Variants in CNTNAP2 observed in about 807,000 individuals in gnomAD.
CNTNAP2 encodes the protein contactin associated protein 2.
In CNTNAP2, 98 loss-of-function variants were observed where a neutral mutation model predicts 155.2. The ratio of observed to expected loss-of-function variants is 0.63; its 90% CI spans 0.54 to 0.75. The LOEUF (loss-of-function observed/expected upper bound fraction) is 0.75. Ranked by LOEUF, CNTNAP2 falls within the 30% of genes least tolerant of loss-of-function variation. The probability of loss-of-function intolerance (pLI) is 0.00; values close to 1 mark genes in which losing one functional copy is unlikely to be tolerated. For missense variants in CNTNAP2, 1,727 were observed against 1,688.1 expected (o/e 1.02, Z -0.40); for synonymous variants, 651 against 631.2 (o/e 1.03, Z -0.47).
chr7:146,683,593 A>G (rs558388829), intron 1 of CNTNAP2, among the ~76,000 whole-genome samples: 199 of 152,308 alleles, frequency 1.3e-3, no homozygotes, highest in African/African-American at 4.6e-3. Context: ...ACAGGCTGAA[A>G]CAATAAACAT....
At chr7:147,329,666 A>G (rs988910024) in intron 9 of CNTNAP2, among the ~76,000 whole-genome samples, 2 of 152,234 alleles carry the variant, frequency 1.3e-5, no homozygotes, top group Non-Finnish European at 2.9e-5. Flanking sequence ...AGGCCTTCTG[A>G]CATATCTTCT....
intron 15 of CNTNAP2, among the ~76,000 whole-genome samples, chr7:147,978,632 G>A (rs1342671711): frequency 6.6e-6 from 1 of 152,154 alleles, no homozygotes; most frequent in Non-Finnish European, 1.5e-5. Context: ...AGGATTTTAT[G>A]TTGTTTGATA....
At chr7:148,156,989 G>T (rs1805411039) in intron 17 of CNTNAP2, among the ~76,000 whole-genome samples, 1 of 152,152 alleles carries the variant, frequency 6.6e-6, no homozygotes, top group African/African-American at 2.4e-5. Context: ...CTGACTTCTT[G>T]GAACTAAATC....
chr7:148,415,290 G>T, intron 23 of CNTNAP2, 127 bp from the exon 24 acceptor site: 2 of 956,274 alleles, frequency 2.1e-6, no homozygotes, highest in South Asian at 1.4e-5. Flanking sequence ...TGTTATCTTT[G>T]TTGTTTTGGA....
chr7:146,649,185 A>C (rs1174214630), intron 1 of CNTNAP2, among the ~76,000 whole-genome samples: 2 of 152,038 alleles, frequency 1.3e-5, no homozygotes, highest in Non-Finnish European at 2.9e-5. Context: ...CAACTTAATA[A>C]ATATATATTG....
intron 10 of CNTNAP2, among the ~76,000 whole-genome samples, chr7:147,431,306 G>T (rs1797462387): frequency 6.6e-6 from 1 of 152,024 alleles, no homozygotes; most frequent in Non-Finnish European, 1.5e-5. Flanking sequence ...TTTCCCTCCT[G>T]TGACAATAGA....
intron 8 of CNTNAP2, among the ~76,000 whole-genome samples, chr7:147,233,585 A>C (rs1252577697): frequency 2.0e-5 from 1 of 49,164 alleles, no homozygotes; most frequent in South Asian, 4.6e-4. Context: ...CAAAAAAGCA[A>C]AAAAAAAAAA....
chr7:146,601,841 T>A (rs1305535666), intron 1 of CNTNAP2, among the ~76,000 whole-genome samples: 2 of 152,052 alleles, frequency 1.3e-5, no homozygotes, highest in African/African-American at 4.8e-5. Flanking sequence ...AAGAATTAAG[T>A]TGACTCCATA....
At chr7:146,496,494 A>G (rs928728382) in intron 1 of CNTNAP2, among the ~76,000 whole-genome samples, 3 of 152,242 alleles carry the variant, frequency 2.0e-5, no homozygotes, top group Non-Finnish European at 2.9e-5. Context: ...AATAAAAATT[A>G]CAATGAACTA....
At chr7:147,992,972 G>T (rs372296331) in intron 15 of CNTNAP2, among the ~76,000 whole-genome samples, 2 of 152,244 alleles carry the variant, frequency 1.3e-5, no homozygotes, top group East Asian at 3.9e-4. Context: ...TACTGAATAG[G>T]ATACAAAGTA....
intron 4 of CNTNAP2, among the ~76,000 whole-genome samples, chr7:147,044,464 C>T (rs112554870): frequency 6.6e-6 from 1 of 152,208 alleles, no homozygotes; most frequent in African/African-American, 2.4e-5. Context: ...CGAAGAACTT[C>T]CTTCGGGTTC....
chr7:146,664,285 C>A (rs1800148925), intron 1 of CNTNAP2, among the ~76,000 whole-genome samples: 1 of 151,210 alleles, frequency 6.6e-6, no homozygotes, highest in South Asian at 2.1e-4. Context: ...CCTCATCTTC[C>A]CGAGCAGCTA....
intron 11 of CNTNAP2, among the ~76,000 whole-genome samples, chr7:147,521,290 T>C (rs1351903633): frequency 6.6e-6 from 1 of 152,214 alleles, no homozygotes; most frequent in African/African-American, 2.4e-5. Context: ...ATAATTTTGT[T>C]GTAATTATCG....
intron 12 of CNTNAP2, among the ~76,000 whole-genome samples, chr7:147,567,430 C>T (rs543854107): frequency 9.9e-5 from 15 of 152,232 alleles, no homozygotes; most frequent in Non-Finnish European, 1.6e-4. Context: ...TTAAAAACAT[C>T]ACTTTGACAG....
At chr7:146,176,535 G>A (rs1196829591) in intron 1 of CNTNAP2, among the ~76,000 whole-genome samples, 4 of 152,094 alleles carry the variant, frequency 2.6e-5, no homozygotes, top group African/African-American at 7.2e-5. Context: ...TCATAAACAG[G>A]ATAAAAATCA....
In CNTNAP2 at chr7:146,726,659, A is replaced by G. The variant is rs1801436499; in HGVS notation, c.98-47612A>G. Among the ~76,000 whole-genome samples, 3 of 152,220 alleles carry G rather than the reference A, an allele frequency of 2.0e-5. No homozygotes were observed. The South Asian group carries it at 6.2e-4, about 31-fold the overall frequency. The stretch of plus-strand genomic sequence containing the variant: ...CAGCCATGCAATTAAATAAATGCCA[A>G]CACTTAGATTATTACTATTCTTAAC... On this transcript the variant is annotated intron_variant, in intron 1 of 23. Coordinates refer to ENST00000361727, the MANE Select transcript of CNTNAP2 (RefSeq NM_014141.6).
chr7:147,919,865 G>T (rs543149203), intron 14 of CNTNAP2, among the ~76,000 whole-genome samples: 1 of 151,824 alleles, frequency 6.6e-6, no homozygotes, highest in East Asian at 2.0e-4. Flanking sequence ...GGGATTATAG[G>T]CATGAGCCAC....
chr7:147,702,640 G>C (rs141715864), intron 13 of CNTNAP2, among the ~76,000 whole-genome samples: 2,506 of 152,042 alleles, frequency 0.016, 223 homozygotes, highest in Admixed American at 0.15. Context: ...AATAGAAGCA[G>C]AACTTCCGGA....
intron 3 of CNTNAP2, among the ~76,000 whole-genome samples, chr7:147,031,414 A>G (rs1198215921): frequency 6.6e-6 from 1 of 152,168 alleles, no homozygotes; most frequent in African/African-American, 2.4e-5. Flanking sequence ...GCTCACAGCA[A>G]TTTTATTTGT....
Sources: allele counts gnomAD v4.1 joint callset (sites outside exome capture counted in the v4.1 genomes callset), GRCh38; gene constraint gnomAD v4.1.1; transcripts MANE v1.5; gene names NCBI Gene and HGNC (gene_info 2026-07-23, HGNC 2026-07-21).